Variants in GRM7 observed in about 807,000 individuals in gnomAD.
GRM7 encodes the protein metabotropic glutamate receptor 7.
In GRM7, 35 loss-of-function variants were observed where a neutral mutation model predicts 84.5. The ratio of observed to expected loss-of-function variants is 0.41; its 90% CI spans 0.32 to 0.55. The LOEUF (loss-of-function observed/expected upper bound fraction) is 0.55. Ranked by LOEUF, GRM7 falls within the 20% of genes least tolerant of loss-of-function variation. The pLI, the probability that GRM7 is intolerant of heterozygous loss-of-function variation, is 0.19. For missense variants in GRM7, 1,003 were observed against 1,194.6 expected (o/e 0.84, Z 2.36); for synonymous variants, 487 against 455.1 (o/e 1.07, Z -0.89).
intron 7 of GRM7, among the ~76,000 whole-genome samples, chr3:7,473,996 C>T (rs1698817785): frequency 6.6e-6 from 1 of 152,100 alleles, no homozygotes; most frequent in Admixed American, 6.6e-5. Flanking sequence ...AGGATATGGA[C>T]CAAGTTAGAA....
chr3:7,145,492 A>G (rs1208672184), intron 1 of GRM7, among the ~76,000 whole-genome samples: 1 of 152,104 alleles, frequency 6.6e-6, no homozygotes, highest in Non-Finnish European at 1.5e-5. Flanking sequence ...CCAGGCAGAC[A>G]TTTTTTTGCA....
chr3:7,532,584 T>C (rs1701080396), intron 7 of GRM7, among the ~76,000 whole-genome samples: 1 of 152,090 alleles, frequency 6.6e-6, no homozygotes, highest in African/African-American at 2.4e-5. Flanking sequence ...CCTGGGCTCA[T>C]TGATTTTTTA....
At chr3:6,941,173 T>C (rs1347685003) in intron 1 of GRM7, among the ~76,000 whole-genome samples, 1 of 152,166 alleles carries the variant, frequency 6.6e-6, no homozygotes, top group Non-Finnish European at 1.5e-5. Context: ...AGTCATTATC[T>C]TATGTGCCAC....
chr3:6,943,512 T>C (rs915002737), intron 1 of GRM7, among the ~76,000 whole-genome samples: 11 of 152,072 alleles, frequency 7.2e-5, no homozygotes, highest in African/African-American at 2.4e-5. Flanking sequence ...AGTGTATGTA[T>C]AGGTCAATTT....
At chr3:7,574,248 C>T (rs1378514346) in intron 7 of GRM7, among the ~76,000 whole-genome samples, 1 of 151,672 alleles carries the variant, frequency 6.6e-6, no homozygotes, top group African/African-American at 2.4e-5. Flanking sequence ...CAATCTCCGC[C>T]TCCCGGGTTC....
chr3:7,045,496 T>C (rs529516479), intron 1 of GRM7, among the ~76,000 whole-genome samples: 102 of 152,300 alleles, frequency 6.7e-4, no homozygotes, highest in African/African-American at 2.1e-3. Flanking sequence ...ACTCATTGTA[T>C]TGTAAAACTA....
chr3:7,465,288 G>A (rs1698417377), intron 7 of GRM7, among the ~76,000 whole-genome samples: 1 of 152,134 alleles, frequency 6.6e-6, no homozygotes, highest in South Asian at 2.1e-4. Context: ...CAACCATGAA[G>A]GGAGTCATTT....
At chr3:6,870,403 A>G (rs1695083233) in intron 1 of GRM7, among the ~76,000 whole-genome samples, 1 of 152,162 alleles carries the variant, frequency 6.6e-6, no homozygotes, top group Non-Finnish European at 1.5e-5. Flanking sequence ...TGTTAGAAGA[A>G]TATTGTAGAG....
At chr3:7,166,712 G>C (rs1464731993) in intron 2 of GRM7, among the ~76,000 whole-genome samples, 1 of 152,168 alleles carries the variant, frequency 6.6e-6, no homozygotes, top group Non-Finnish European at 1.5e-5. Flanking sequence ...TTAACGAACA[G>C]ATGCCGCTTG....
intron 9 of GRM7, among the ~76,000 whole-genome samples, chr3:7,735,853 C>T (rs1287504116): frequency 6.6e-6 from 1 of 152,100 alleles, no homozygotes; most frequent in Non-Finnish European, 1.5e-5. Flanking sequence ...CTTTTGAAAT[C>T]CTAAGCATGT....
At chr3:7,613,783 CACATTT>C (rs1696953169) in intron 8 of GRM7, among the ~76,000 whole-genome samples, 1 of 152,134 alleles carries the variant, frequency 6.6e-6, no homozygotes, top group South Asian at 2.1e-4. Flanking sequence ...ATCAAGACCT[CACATTT>C]TAATATTTTG....
chr3:6,869,990 GCTCT>G (rs920320933), intron 1 of GRM7, among the ~76,000 whole-genome samples: 4 of 151,520 alleles, frequency 2.6e-5, no homozygotes, highest in African/African-American at 9.7e-5. Context: ...AAAAGTAAAA[GCTCT>G]CTCTCTCCTT....
chr3:7,071,527 G>A (rs1015549102), intron 1 of GRM7, among the ~76,000 whole-genome samples: 3 of 151,798 alleles, frequency 2.0e-5, no homozygotes, highest in Non-Finnish European at 4.4e-5. Flanking sequence ...AAAACTTGCT[G>A]TCTTTGCATT....
intron 9 of GRM7, among the ~76,000 whole-genome samples, chr3:7,691,658 G>A (rs78924427): frequency 0.03 from 4,545 of 152,038 alleles, 195 homozygotes; most frequent in African/African-American, 0.092. Context: ...TTTTTATTCT[G>A]TTTTGTTTAT....
chr3:7,473,496 G>GAC (rs1377207353), intron 7 of GRM7, among the ~76,000 whole-genome samples: 1 of 73,740 alleles, frequency 1.4e-5, no homozygotes, highest in Non-Finnish European at 2.9e-5. Flanking sequence ...GAGGGAGAGA[G>GAC]AGAGAGAGAG....
intron 2 of GRM7, among the ~76,000 whole-genome samples, chr3:7,179,630 G>T (rs9869308): frequency 0.056 from 8,497 of 152,198 alleles, 647 homozygotes; most frequent in African/African-American, 0.18. Context: ...AACAGGAGTC[G>T]GTTGACCTCT....
At chr3:7,457,265 C>T (rs966875480) in intron 6 of GRM7, among the ~76,000 whole-genome samples, 1 of 152,056 alleles carries the variant, frequency 6.6e-6, no homozygotes, top group Non-Finnish European at 1.5e-5. Context: ...ATGATAATAT[C>T]GTACCCTAAA....
At chr3:6,882,841 T>G (rs1342086589) in intron 1 of GRM7, among the ~76,000 whole-genome samples, 3 of 152,182 alleles carry the variant, frequency 2.0e-5, no homozygotes, top group Non-Finnish European at 4.4e-5. Flanking sequence ...CACTCAAAAT[T>G]TAGGTTTACC....
intron 9 of GRM7, among the ~76,000 whole-genome samples, chr3:7,726,613 CTATATATATATATA>C (rs56250356): frequency 0.037 from 2,125 of 58,102 alleles, 118 homozygotes; most frequent in African/African-American, 0.086. Context: ...CTCTCTCCCT[CTATATATATATATA>C]TATATATATA....
Sources: allele counts gnomAD v4.1 joint callset (sites outside exome capture counted in the v4.1 genomes callset), GRCh38; gene constraint gnomAD v4.1.1; transcripts MANE v1.5; gene names NCBI Gene and HGNC (gene_info 2026-07-23, HGNC 2026-07-21).